The following ARHGAP24 variants were observed in gnomAD, a reference collection of about 807,000 sequenced individuals.
The protein encoded by ARHGAP24 is Rho GTPase activating protein 24, also known as rho GTPase-activating protein 24.
ARHGAP24 carries 50 observed loss-of-function variants against 76.4 expected under a neutral mutation model. The observed-to-expected ratio is 0.65, with a 90% CI of 0.52 to 0.83. ARHGAP24 has a LOEUF of 0.83. Among genes scored for constraint, ARHGAP24 ranks in the 40% least tolerant of loss-of-function variants. The pLI, the probability that ARHGAP24 is intolerant of heterozygous loss-of-function variation, is 0.00. For missense variants in ARHGAP24, 930 were observed against 914.2 expected, an observed-to-expected ratio of 1.02 and a Z score of -0.22; for synonymous variants, 345 against 323.3, an observed-to-expected ratio of 1.07 and a Z score of -0.72.
In ARHGAP24 at chr4:85,692,864, G is replaced by A. The variant is rs911913512; in HGVS notation, c.181-29021G>A. ...ACTAGTGGAATCATTTGGAAGTGAG[G>A]GGACACTCTTGCTTTTTGAATTGTC... On this transcript the variant is annotated intron_variant, in intron 2 of 9. Transcript: ENST00000395184. Among the ~76,000 whole-genome samples, 3 of 152,182 alleles carry A rather than the reference G, an allele frequency of 2.0e-5. No individual in the cohort carries two copies. The East Asian group carries it at 5.8e-4, about 29-fold the overall frequency.
intron 3 of ARHGAP24, among the ~76,000 whole-genome samples, chr4:85,857,910 G>A (rs1043114409): frequency 2.4e-4 from 36 of 152,102 alleles, no homozygotes; most frequent in African/African-American, 8.2e-4. Flanking sequence ...AGCTCTGAAG[G>A]TTTCTATTAA....
At chr4:85,905,771 C>A (rs1487583761) in intron 3 of ARHGAP24, among the ~76,000 whole-genome samples, 1 of 152,178 alleles carries the variant, frequency 6.6e-6, no homozygotes, top group African/African-American at 2.4e-5. Flanking sequence ...CAGAAGCAGT[C>A]GGTTTCTCCC....
At chr4:85,602,198 A>C (rs187610554) in intron 2 of ARHGAP24, among the ~76,000 whole-genome samples, 70 of 152,336 alleles carry the variant, frequency 4.6e-4, no homozygotes, top group African/African-American at 1.6e-3. Context: ...GGAACATGAA[A>C]AAGAAAGCAG....
chr4:85,980,865 C>T (rs752677421), intron 8 of ARHGAP24, among the ~76,000 whole-genome samples: 11 of 152,176 alleles, frequency 7.2e-5, no homozygotes, highest in Admixed American at 1.3e-4. Flanking sequence ...AAAGCAGTGA[C>T]GGGTACAGCA....
intron 1 of ARHGAP24, among the ~76,000 whole-genome samples, chr4:85,482,839 G>A (rs1722869066): frequency 6.6e-6 from 1 of 152,142 alleles, no homozygotes; most frequent in Admixed American, 6.5e-5. Flanking sequence ...GAGAGGCTTA[G>A]TAGCTTGCCA....
intron 2 of ARHGAP24, among the ~76,000 whole-genome samples, chr4:85,656,004 C>T (rs1027536683): frequency 6.6e-6 from 1 of 151,890 alleles, no homozygotes; most frequent in African/African-American, 2.4e-5. Flanking sequence ...AATTAATATG[C>T]TATTTCCTTA....
intron 3 of ARHGAP24, among the ~76,000 whole-genome samples, chr4:85,827,460 C>CCG (rs1729771629): frequency 2.0e-5 from 1 of 49,580 alleles, no homozygotes; most frequent in Non-Finnish European, 4.7e-5. Context: ...TGAAGTCTGC[C>CCG]CGTGTGTGTG....
chr4:85,972,233 T>C, intron 6 of ARHGAP24, 65 bp downstream of exon 6: 1 of 1,595,040 alleles, frequency 6.3e-7, no homozygotes, highest in Non-Finnish European at 8.5e-7. Context: ...TTCTTAGTCT[T>C]AAATCTGTAA....
At chr4:85,801,578 C>G (rs901770436) in intron 3 of ARHGAP24, among the ~76,000 whole-genome samples, 6 of 152,180 alleles carry the variant, frequency 3.9e-5, no homozygotes, top group African/African-American at 1.2e-4. Flanking sequence ...ATGAGATTCC[C>G]TAAGTAAAAT....
At chr4:85,737,073 G>A (rs1293103591) in intron 3 of ARHGAP24, among the ~76,000 whole-genome samples, 1 of 152,120 alleles carries the variant, frequency 6.6e-6, no homozygotes, top group African/African-American at 2.4e-5. Context: ...AAAAGAATGA[G>A]ATGATCATTC....
chr4:85,525,356 C>A (rs1374580042), intron 1 of ARHGAP24, among the ~76,000 whole-genome samples: 2 of 139,842 alleles, frequency 1.4e-5, no homozygotes, highest in Admixed American at 7.5e-5. Context: ...CAAATTTTTA[C>A]TTTATTTGAT....
intron 2 of ARHGAP24, among the ~76,000 whole-genome samples, chr4:85,635,588 A>G (rs1721287286): frequency 6.6e-6 from 1 of 151,896 alleles, no homozygotes; most frequent in African/African-American, 2.4e-5. Flanking sequence ...ATCTGAAAGA[A>G]ACCAAAGTAC....
At chr4:85,668,391 G>A (rs554611168) in intron 2 of ARHGAP24, among the ~76,000 whole-genome samples, 1 of 151,930 alleles carries the variant, frequency 6.6e-6, no homozygotes, top group South Asian at 2.1e-4. Flanking sequence ...TAGCCACAGG[G>A]GCTACTAGGA....
intron 4 of ARHGAP24, among the ~76,000 whole-genome samples, chr4:85,938,327 T>C (rs1736770694): frequency 6.6e-6 from 1 of 152,186 alleles, no homozygotes; most frequent in Non-Finnish European, 1.5e-5. Flanking sequence ...TAGCTGGAAC[T>C]GTTTGCATGA....
intron 3 of ARHGAP24, among the ~76,000 whole-genome samples, chr4:85,806,538 C>A (rs1331899301): frequency 6.6e-6 from 1 of 151,952 alleles, no homozygotes; most frequent in Non-Finnish European, 1.5e-5. Context: ...AACATGACAC[C>A]CTCCCATGGG....
intron 9 of ARHGAP24, among the ~76,000 whole-genome samples, chr4:85,999,570 T>A (rs1187487169): frequency 1.3e-5 from 2 of 152,194 alleles, no homozygotes; most frequent in African/African-American, 4.8e-5. Context: ...TAAGTTTGAA[T>A]GAGTCCCATG....
chr4:85,504,465 G>A (rs994842237), intron 1 of ARHGAP24, among the ~76,000 whole-genome samples: 18 of 152,050 alleles, frequency 1.2e-4, no homozygotes, highest in South Asian at 6.2e-4. Context: ...TCCTTTTACC[G>A]TTATGTAATG....
chr4:85,792,192 G>A lies in ARHGAP24; in HGVS notation c.268+70220G>A, dbSNP rs528922541. ...ATTTAGTAATCAATAATACAAATAT[G>A]GGAAAATATAATGTCATACTCCAAT... On this transcript the variant is annotated intron_variant, in intron 3 of 9. Coordinates refer to ENST00000395184, the MANE Select transcript of ARHGAP24 (RefSeq NM_001025616.3). Among the ~76,000 whole-genome samples, 15 of 152,064 alleles carry A rather than the reference G, an allele frequency of 9.9e-5. No homozygotes were observed. The South Asian group carries it at 3.1e-3, about 32-fold the overall frequency.
chr4:85,487,833 ATAT>A (rs1296797845), intron 1 of ARHGAP24, among the ~76,000 whole-genome samples: 3 of 121,686 alleles, frequency 2.5e-5, no homozygotes, highest in Admixed American at 1.1e-4. Flanking sequence ...TATTTATTAC[ATAT>A]TATATAAATA....
Sources: allele counts gnomAD v4.1 joint callset (sites outside exome capture counted in the v4.1 genomes callset), GRCh38; gene constraint gnomAD v4.1.1; transcripts MANE v1.5; gene names NCBI Gene and HGNC (gene_info 2026-07-23, HGNC 2026-07-21).